The following KLF12 variants were observed in gnomAD, a reference collection of about 807,000 sequenced individuals.
The protein encoded by KLF12 is Krueppel-like factor 12.
In KLF12, 9 loss-of-function variants were observed where a neutral mutation model predicts 37.8. The ratio of observed to expected loss-of-function variants is 0.24; its 90% CI spans 0.14 to 0.42. The LOEUF (loss-of-function observed/expected upper bound fraction) is 0.42. Among genes scored for constraint, KLF12 ranks in the 10% least tolerant of loss-of-function variants. KLF12 has a pLI of 1.00. For synonymous variants in KLF12, 208 were observed against 202.1 expected (o/e 1.03, Z -0.25); for missense variants, 411 against 516.0 (o/e 0.80, Z 1.97).
intron 1 of KLF12, among the ~76,000 whole-genome samples, chr13:74,013,203 G>A (rs1199490664): frequency 6.6e-6 from 1 of 152,194 alleles, no homozygotes; most frequent in East Asian, 1.9e-4. Flanking sequence ...GGCTAACTGG[G>A]CATCTCCCAA....
the KLF12 span, among the ~76,000 whole-genome samples, chr13:74,280,588 G>T: frequency 3.9e-5 from 6 of 152,174 alleles, no homozygotes; most frequent in Non-Finnish European, 7.3e-5. Context: ...CCCATCTTGG[G>T]ATCAAAACAT....
At chr13:73,871,095 G>C (rs569141669) in intron 3 of KLF12, among the ~76,000 whole-genome samples, 2 of 152,346 alleles carry the variant, frequency 1.3e-5, no homozygotes, top group East Asian at 3.9e-4. Flanking sequence ...CTGCCAGTGA[G>C]ATGTTCTCAT....
rs376287115 is a variant in KLF12 at position 74,130,441 on chromosome 13, T to C, written c.-32+3298A>G. Among the ~76,000 whole-genome samples the C allele has an allele frequency of 1.1e-4, 16 of 152,288 alleles. No homozygotes were observed. In the East Asian group the frequency reaches 1.9e-3, roughly 18 times the overall value. On this transcript the variant is annotated intron_variant, in intron 1 of 7. Coordinates refer to ENST00000377669, the MANE Select transcript of KLF12 (RefSeq NM_007249.5). The stretch of plus-strand genomic sequence containing the variant: ...CCCAGCACTTTGGCAGGAGGTTTGC[T>C]TGAGGCCAGGAATTCAGGATCTAGC...
At chr13:74,152,051 G>A in the KLF12 span, among the ~76,000 whole-genome samples, 2 of 152,138 alleles carry the variant, frequency 1.3e-5, no homozygotes, top group Non-Finnish European at 2.9e-5. Flanking sequence ...TTCCAAGCAC[G>A]AGGGTGGCCT....
intron 2 of KLF12, among the ~76,000 whole-genome samples, chr13:73,981,874 T>G (rs942105146): frequency 3.3e-5 from 5 of 152,172 alleles, no homozygotes; most frequent in Non-Finnish European, 7.3e-5. Context: ...ACATTTCTAG[T>G]ATTTATAAAT....
At chr13:73,707,566 C>G (rs1309859497) in intron 7 of KLF12, among the ~76,000 whole-genome samples, 1 of 152,128 alleles carries the variant, frequency 6.6e-6, no homozygotes, top group Non-Finnish European at 1.5e-5. Flanking sequence ...ATCTTGGCAT[C>G]ACTAAGCACT....
chr13:74,160,905 T>C, the KLF12 span, among the ~76,000 whole-genome samples: 44,598 of 151,894 alleles, frequency 0.29, 7,484 homozygotes, highest in Non-Finnish European at 0.38. Flanking sequence ...GAATAGGTCC[T>C]CTTCACCCTC....
the KLF12 span, among the ~76,000 whole-genome samples, chr13:74,154,265 G>A: frequency 6.6e-6 from 1 of 151,890 alleles, no homozygotes; most frequent in Non-Finnish European, 1.5e-5. Flanking sequence ...CAATAAGTAG[G>A]GCCTTGAAAA....
chr13:74,013,802 G>A (rs79887652), intron 1 of KLF12, among the ~76,000 whole-genome samples: 10,788 of 151,644 alleles, frequency 0.071, 504 homozygotes, highest in Non-Finnish European at 0.1. Flanking sequence ...ATAAAATAAA[G>A]CAAAAAGACT....
the KLF12 span, among the ~76,000 whole-genome samples, chr13:74,216,768 C>T: frequency 2.1e-5 from 3 of 143,248 alleles, no homozygotes; most frequent in Non-Finnish European, 4.5e-5. Flanking sequence ...TATGTTCACC[C>T]TAATTAACAT....
intron 1 of KLF12, among the ~76,000 whole-genome samples, chr13:74,094,586 A>G (rs981717720): frequency 2.0e-5 from 3 of 151,440 alleles, no homozygotes; most frequent in South Asian, 4.2e-4. Context: ...ACAACCAGAA[A>G]AGCTTTTCTA....
the KLF12 span, among the ~76,000 whole-genome samples, chr13:74,280,497 C>T: frequency 6.6e-6 from 1 of 152,194 alleles, no homozygotes. Context: ...CATCTATACA[C>T]AGATTGTTTC....
intron 6 of KLF12, among the ~76,000 whole-genome samples, chr13:73,731,887 C>T (rs1329556820): frequency 6.6e-6 from 1 of 152,160 alleles, no homozygotes; most frequent in Admixed American, 6.5e-5. Context: ...GCATTTTTAG[C>T]TATGTCTTAG....
At chr13:74,021,212 T>A (rs1371471870) in intron 1 of KLF12, among the ~76,000 whole-genome samples, 1 of 152,128 alleles carries the variant, frequency 6.6e-6, no homozygotes, top group Admixed American at 6.5e-5. Flanking sequence ...GATGTGTTAT[T>A]AATAAGTTCA....
chr13:74,039,891 A>G (rs914583203), intron 1 of KLF12, among the ~76,000 whole-genome samples: 1 of 152,230 alleles, frequency 6.6e-6, no homozygotes, highest in Non-Finnish European at 1.5e-5. Flanking sequence ...CACATGAGCT[A>G]TTGCTCAAAA....
At chr13:73,785,362 C>T (rs1881275502) in intron 5 of KLF12, among the ~76,000 whole-genome samples, 1 of 152,138 alleles carries the variant, frequency 6.6e-6, no homozygotes, top group African/African-American at 2.4e-5. Flanking sequence ...GATCCGCTCA[C>T]CTCCGTCTCC....
At chr13:73,738,112 T>TAC (rs1274922529) in intron 6 of KLF12, among the ~76,000 whole-genome samples, 5 of 74,758 alleles carry the variant, frequency 6.7e-5, no homozygotes, top group Admixed American at 6.3e-4. Flanking sequence ...TATATATATA[T>TAC]ATATATATAT....
chr13:74,096,938 G>A (rs1460973793), intron 1 of KLF12, among the ~76,000 whole-genome samples: 2 of 152,126 alleles, frequency 1.3e-5, no homozygotes, highest in African/African-American at 2.4e-5. Context: ...GGAGTTAAAA[G>A]CCTGGATTTG....
the KLF12 span, among the ~76,000 whole-genome samples, chr13:74,201,129 T>C: frequency 6.6e-6 from 1 of 152,186 alleles, no homozygotes; most frequent in African/African-American, 2.4e-5. Flanking sequence ...TTAAAAGAAA[T>C]GTGTGTGTCC....
Sources: gnomAD v4.1 joint callset for allele counts (sites outside exome capture counted in the v4.1 genomes callset) on GRCh38, gnomAD v4.1.1 for gene constraint, MANE v1.5 for transcripts, NCBI Gene and HGNC (gene_info 2026-07-23, HGNC 2026-07-21) for gene names.